RGS7BP: variants seen among roughly 807,000 people sequenced by gnomAD.
RGS7BP encodes regulator of G protein signaling 7-binding protein.
Under a neutral mutation model 31.3 loss-of-function variants are expected in RGS7BP, and 9 were observed. The observed-to-expected ratio is 0.29, with a 90% confidence interval of 0.17 to 0.50. The LOEUF is 0.50. Ranked by LOEUF, RGS7BP falls within the 20% of genes least tolerant of loss-of-function variation. The probability of loss-of-function intolerance (pLI) is 0.98; values close to 1 mark genes in which losing one functional copy is unlikely to be tolerated. For synonymous variants in RGS7BP, 115 were observed against 120.1 expected, an observed-to-expected ratio of 0.96 and a Z score of 0.28; for missense variants, 274 against 322.0, an observed-to-expected ratio of 0.85 and a Z score of 1.14.
chr5:64,602,613 T>C (rs1580472520), intron 5 of RGS7BP, among the ~76,000 whole-genome samples: 1 of 152,166 alleles, frequency 6.6e-6, no homozygotes, highest in South Asian at 2.1e-4. Flanking sequence ...AAAAATTGGA[T>C]GGGAATCACC....
Position 64,507,832 on chromosome 5 carries a change from G to C in RGS7BP, c.287G>C (p.Cys96Ser). Residue 96 changes from cysteine (C) to serine (S), a missense_variant, in exon 2 of 6, where the codon TGT becomes TCT. Transcript: ENST00000334025. Reference sequence around the variant, plus strand: ...ATGCACAAGACAAGAACCAAAGGCTGTGAAATGGCCCGTCAGGCACACCAA... The same window carrying C: ...ATGCACAAGACAAGAACCAAAGGCTCTGAAATGGCCCGTCAGGCACACCAA... ...AEMHKTRTKG[C>S]EMARQAHQKL... 1 of 1,614,054 alleles carries C rather than the reference G, an allele frequency of 6.2e-7. No individual in the cohort carries two copies. Among genetic ancestry groups the C allele is most frequent in the South Asian group, 1.1e-5 (1 of 91,068 alleles).
chr5:64,575,913 A>G lies in RGS7BP; in HGVS notation c.463+9A>G, dbSNP rs1453473553. The G allele has an allele frequency of 2.5e-6, 4 of 1,604,786 alleles. No individual in the cohort carries two copies. The Admixed American group carries it at 6.9e-5, about 27-fold the overall frequency. On this transcript the variant is annotated intron_variant, in intron 3 of 5. Transcript: ENST00000334025. Reference sequence around the variant, plus strand: ...TCAGTTTCATCGAAAAGGTATCTACATTTAATATTGCCGGAAACACTGAGG... The same window carrying G: ...TCAGTTTCATCGAAAAGGTATCTACGTTTAATATTGCCGGAAACACTGAGG...
chr5:64,584,386 A>G (rs1742686397), intron 3 of RGS7BP, among the ~76,000 whole-genome samples: 1 of 152,240 alleles, frequency 6.6e-6, no homozygotes, highest in African/African-American at 2.4e-5. Flanking sequence ...TACATATAGT[A>G]AAAGTAAATA....
chr5:64,568,332 C>A (rs778218671), intron 2 of RGS7BP, among the ~76,000 whole-genome samples: 1 of 151,754 alleles, frequency 6.6e-6, no homozygotes. Context: ...TTTGCCCAAC[C>A]GGAAACCATA....
In RGS7BP at chr5:64,545,417, A is replaced by T. The variant is rs569224615; in HGVS notation, c.333-30357A>T. 4.6e-4 allele frequency among the ~76,000 whole-genome samples: 66 copies of T among 142,048 alleles called. 1 individual carries two copies. The highest frequency in any genetic ancestry group is 2.4e-3 in the East Asian group (12 of 5,058). 93.2% of individuals were successfully genotyped at this position (142,048 alleles called of 152,430 possible). A position where few individuals can be genotyped will look rare whatever the true frequency, so the allele number is the denominator to read the frequency against. On this transcript the variant is annotated intron_variant, in intron 2 of 5. Transcript: ENST00000334025. ...CCCTAAAACTTAAAGTGTAATAATT[A>T]AAAAAAAAAAGAGTCGGCTTTTATC...
intron 3 of RGS7BP, among the ~76,000 whole-genome samples, chr5:64,593,177 A>C (rs1742966297): frequency 6.6e-6 from 1 of 152,202 alleles, no homozygotes; most frequent in Non-Finnish European, 1.5e-5. Flanking sequence ...GCTCTGGCTG[A>C]ATATTCCGAG....
At chr5:64,594,893 C>G (rs776574575) in intron 4 of RGS7BP, 36 bp downstream of exon 4, 1 of 1,605,722 alleles carries the variant, frequency 6.2e-7, no homozygotes, top group African/African-American at 1.3e-5. Flanking sequence ...ACTGCCAATC[C>G]TCCTCCCGTT....
chr5:64,544,055 A>T (rs1431602086), intron 2 of RGS7BP, among the ~76,000 whole-genome samples: 1 of 152,348 alleles, frequency 6.6e-6, no homozygotes, highest in Admixed American at 6.5e-5. Context: ...GCAGAGTTAC[A>T]TGTGTAAGTG....
chr5:64,599,032 C>T (rs4492074), intron 5 of RGS7BP, among the ~76,000 whole-genome samples: 1 of 152,120 alleles, frequency 6.6e-6, no homozygotes, highest in South Asian at 2.1e-4. Flanking sequence ...AGTATATGCC[C>T]TAATGCACAA....
chr5:64,559,294 T>C (rs568869576), intron 2 of RGS7BP, among the ~76,000 whole-genome samples: 99 of 152,220 alleles, frequency 6.5e-4, no homozygotes, highest in African/African-American at 2.3e-3. Flanking sequence ...TTATGGAAAA[T>C]AGAAAAGAAC....
At chr5:64,602,361 G>A (rs1743240131) in intron 5 of RGS7BP, among the ~76,000 whole-genome samples, 1 of 152,174 alleles carries the variant, frequency 6.6e-6, no homozygotes, top group African/African-American at 2.4e-5. Flanking sequence ...TCTTGTCCAA[G>A]ATTCAGTGTG....
intron 2 of RGS7BP, among the ~76,000 whole-genome samples, chr5:64,559,813 T>C (rs920337557): frequency 1.3e-5 from 2 of 152,194 alleles, no homozygotes; most frequent in African/African-American, 4.8e-5. Context: ...CATTGACATA[T>C]ATGTGCATTT....
chr5:64,542,130 G>A lies in RGS7BP; in HGVS notation c.333-33644G>A, dbSNP rs189105950. Among the ~76,000 whole-genome samples the A allele has an allele frequency of 5.3e-5, 8 of 152,156 alleles. No homozygotes were observed. In the East Asian group the frequency reaches 1.4e-3, roughly 26 times the overall value. On this transcript the variant is annotated intron_variant, in intron 2 of 5. Transcript: ENST00000334025. ...TCTTCTTATTCCTTATATATACTTC[G>A]TGTTAACGAAAGAGTTGAAAGTTTA...
intron 2 of RGS7BP, among the ~76,000 whole-genome samples, chr5:64,569,839 G>T (rs914022836): frequency 2.0e-5 from 3 of 152,126 alleles, no homozygotes; most frequent in Admixed American, 2.0e-4. Flanking sequence ...CTTCCTATTT[G>T]CTCTAAAAAA....
At chr5:64,599,658 T>C (rs1321693582) in intron 5 of RGS7BP, among the ~76,000 whole-genome samples, 2 of 152,198 alleles carry the variant, frequency 1.3e-5, no homozygotes, top group African/African-American at 4.8e-5. Flanking sequence ...TTTGAGAAAG[T>C]AGAAAACATG....
At chr5:64,531,344 A>G (rs1476629638) in intron 2 of RGS7BP, among the ~76,000 whole-genome samples, 1 of 152,224 alleles carries the variant, frequency 6.6e-6, no homozygotes, top group African/African-American at 2.4e-5. Context: ...AGAATACTTT[A>G]TTCAATCTTA....
intron 3 of RGS7BP, among the ~76,000 whole-genome samples, chr5:64,589,932 A>G (rs538771897): frequency 6.6e-6 from 1 of 152,022 alleles, no homozygotes; most frequent in Non-Finnish European, 1.5e-5. Flanking sequence ...CTCAAAAAAA[A>G]AAAAAAAAGA....
At chr5:64,554,252 T>A (rs947193867) in intron 2 of RGS7BP, among the ~76,000 whole-genome samples, 1 of 152,148 alleles carries the variant, frequency 6.6e-6, no homozygotes, top group African/African-American at 2.4e-5. Context: ...TTCAGGTCAC[T>A]GTTCTACACA....
chr5:64,507,748 G>A lies in RGS7BP; in HGVS notation c.203G>A (p.Arg68Gln). ...TTCAACACACAAGTGGCCCTGTACC[G>A]AGAGCTGGTCATTTCTATTGGGGAT... ...QEFNTQVALYRELVISIGDVS... is the reference protein window; with the variant it reads ...QEFNTQVALYQELVISIGDVS... Residue 68 changes from arginine to glutamine, a missense_variant, in exon 2 of 6, where the codon CGA (arginine) becomes CAA (glutamine). Arg to Gln is a conservative substitution (Grantham distance 43). This residue lies in a region of RGS7BP where 149 missense variants were observed against 152.6 expected (regional missense o/e 0.98). Coordinates refer to ENST00000334025, the MANE Select transcript of RGS7BP (RefSeq NM_001029875.3). The A allele has an allele frequency of 6.2e-7, 1 of 1,613,268 alleles. No homozygotes were observed. The highest frequency in any genetic ancestry group is 8.5e-7 in the Non-Finnish European group (1 of 1,179,766).
Sources: gnomAD v4.1 joint callset for allele counts (sites outside exome capture counted in the v4.1 genomes callset) on GRCh38, gnomAD v4.1.1 for gene constraint, gnomAD v4.1.1 regional missense constraint, MANE v1.5 for transcripts, NCBI Gene and HGNC (gene_info 2026-07-23, HGNC 2026-07-21) for gene names.